The following PPP4R1 variants were observed in gnomAD, a reference collection of about 807,000 sequenced individuals.
The protein encoded by PPP4R1 is protein phosphatase 4 regulatory subunit 1, also known as serine/threonine-protein phosphatase 4 regulatory subunit 1.
PPP4R1 carries 42 observed loss-of-function variants against 111.2 expected under a neutral mutation model. The observed-to-expected ratio is 0.38, with a 90% CI of 0.29 to 0.49. The LOEUF is 0.49. Ranked by LOEUF, PPP4R1 falls within the 20% of genes least tolerant of loss-of-function variation. The pLI, the probability that PPP4R1 is intolerant of heterozygous loss-of-function variation, is 0.97. For synonymous variants in PPP4R1, 409 were observed against 405.5 expected (o/e 1.01, Z -0.10); for missense variants, 1,012 against 1,161.6 (o/e 0.87, Z 1.87).
chr18:9,557,100 T>C, intron 15 of PPP4R1, 121 bp downstream of exon 15: 1 of 964,010 alleles, frequency 1.0e-6, no homozygotes, highest in Non-Finnish European at 1.5e-6. Flanking sequence ...TAACATCAAC[T>C]TATGGCTGTG....
chr18:9,556,510 G>A (rs2066588644), intron 15 of PPP4R1, among the ~76,000 whole-genome samples: 1 of 152,080 alleles, frequency 6.6e-6, no homozygotes, highest in Admixed American at 6.6e-5. Flanking sequence ...TTTTTAAAAG[G>A]GAGGACTACA....
chr18:9,606,806 T>C (rs893255319), intron 2 of PPP4R1, among the ~76,000 whole-genome samples: 19 of 152,128 alleles, frequency 1.2e-4, no homozygotes, highest in African/African-American at 4.6e-4. Context: ...AACAGAAAGG[T>C]AGTATAACAA....
intron 2 of PPP4R1, 70 bp from the exon 3 acceptor site, chr18:9,595,223 C>A: frequency 1.4e-6 from 2 of 1,454,900 alleles, no homozygotes; most frequent in East Asian, 2.3e-5. Flanking sequence ...CTGTCTGAAG[C>A]AGTACAAATC....
At chr18:9,576,545 T>G (rs894562552) in intron 10 of PPP4R1, among the ~76,000 whole-genome samples, 2 of 152,174 alleles carry the variant, frequency 1.3e-5, no homozygotes, top group Non-Finnish European at 2.9e-5. Flanking sequence ...ATATACTGGC[T>G]AATATACTGG....
At chr18:9,553,050 A>C (rs2066514233) in intron 16 of PPP4R1, among the ~76,000 whole-genome samples, 1 of 152,230 alleles carries the variant, frequency 6.6e-6, no homozygotes, top group Admixed American at 6.5e-5. Flanking sequence ...AACACTGTGA[A>C]TGGACTAAAT....
rs1054767387 is a variant in PPP4R1, at chr18:9,614,332, C to G, written c.8-62G>C. The G allele has an allele frequency of 2.9e-4, 315 of 1,099,326 alleles. 1 individual carries two copies. The highest frequency in any genetic ancestry group is 2.6e-3 in the African/African-American group (153 of 58,206). The allele number at this position is 1,099,326 out of a possible 1,614,324, so 68.1% of individuals were successfully genotyped here. A position where few individuals can be genotyped will look rare whatever the true frequency, so the allele number is the denominator to read the frequency against. On this transcript the variant is annotated intron_variant, in intron 1 of 19. Coordinates refer to ENST00000400556, the MANE Select transcript of PPP4R1 (RefSeq NM_001042388.3). This position sits in a 1 kb window ranked among gnomAD's most constrained non-coding sequence, Gnocchi z 4.1. ...CCCCGGGGCCCGGCGCGACGCCCCCCCCCCGCCCGCCTCCCCCCCGCCCCG... is the reference window on the plus strand; with the variant it reads ...CCCCGGGGCCCGGCGCGACGCCCCCGCCCCGCCCGCCTCCCCCCCGCCCCG...
At chr18:9,593,649 T>C (rs2067246629) in intron 4 of PPP4R1, 119 bp downstream of exon 4, 1 of 892,004 alleles carries the variant, frequency 1.1e-6, no homozygotes, top group Admixed American at 2.8e-5. Context: ...TGATAATTAC[T>C]TAGGAAATAT....
intron 8 of PPP4R1, 84 bp downstream of exon 8, chr18:9,584,431 C>A: frequency 1.6e-6 from 2 of 1,213,440 alleles, no homozygotes; most frequent in Non-Finnish European, 2.3e-6. Flanking sequence ...GTTAATAAAA[C>A]TTTGGAGTAA....
intron 13 of PPP4R1, among the ~76,000 whole-genome samples, chr18:9,561,432 T>C (rs1161817113): frequency 2.6e-5 from 4 of 151,994 alleles, no homozygotes; most frequent in Non-Finnish European, 5.9e-5. Context: ...GAAGGAGTCC[T>C]GGTGTGCTCA....
At chr18:9,562,326 T>C (rs2066691846) in intron 12 of PPP4R1, among the ~76,000 whole-genome samples, 1 of 152,128 alleles carries the variant, frequency 6.6e-6, no homozygotes, top group Admixed American at 6.5e-5. Context: ...TTGAAAGTAA[T>C]TTTGAAATGG....
intron 2 of PPP4R1, among the ~76,000 whole-genome samples, chr18:9,610,970 C>G (rs1030381735): frequency 6.6e-6 from 1 of 151,990 alleles, no homozygotes; most frequent in Non-Finnish European, 1.5e-5. Flanking sequence ...CTTTGACCAA[C>G]CTTTTCCCCG....
Position 9,546,825 on chromosome 18 carries a change from C to T in PPP4R1, c.*964G>A, listed in dbSNP as rs1004928192. The T allele has an allele frequency of 5.3e-5, 8 of 152,296 alleles. No homozygotes were observed. The East Asian group carries it at 1.3e-3, about 26-fold the overall frequency. 9.4% of individuals were successfully genotyped at this position (152,296 alleles called of 1,614,324 possible). A position where few individuals can be genotyped will look rare whatever the true frequency, so the allele number is the denominator to read the frequency against. On this transcript the variant is annotated 3_prime_UTR_variant, in exon 20 of 20. Coordinates refer to ENST00000400556, the MANE Select transcript of PPP4R1 (RefSeq NM_001042388.3). ...AAAGACAAATATTTTAATCTAGTTTCCCCACTTTAAATCATTAATACAGGT... is the reference window on the plus strand; with the variant it reads ...AAAGACAAATATTTTAATCTAGTTTTCCCACTTTAAATCATTAATACAGGT...
intron 2 of PPP4R1, among the ~76,000 whole-genome samples, chr18:9,610,595 T>C (rs1438032481): frequency 1.3e-5 from 2 of 152,046 alleles, no homozygotes; most frequent in Non-Finnish European, 2.9e-5. Flanking sequence ...CCTGAGCAGC[T>C]GCGACTACAG....
intron 9 of PPP4R1, among the ~76,000 whole-genome samples, chr18:9,580,242 T>C (rs1338707072): frequency 6.6e-6 from 1 of 151,876 alleles, no homozygotes; most frequent in Non-Finnish European, 1.5e-5. Context: ...TATAAAACAA[T>C]AATTCAAAGC....
intron 9 of PPP4R1, among the ~76,000 whole-genome samples, chr18:9,582,742 T>G (rs2067050584): frequency 6.6e-6 from 1 of 152,132 alleles, no homozygotes; most frequent in Admixed American, 6.5e-5. Flanking sequence ...GACTATTATC[T>G]CTCATGATAT....
intron 10 of PPP4R1, among the ~76,000 whole-genome samples, chr18:9,572,957 G>A (rs749703589): frequency 1.6e-4 from 25 of 152,118 alleles, no homozygotes; most frequent in Admixed American, 2.6e-4. Context: ...CTGGCACTAC[G>A]TTAATATAAA....
intron 2 of PPP4R1, chr18:9,613,420 T>A (rs947380834): frequency 1.3e-5 from 2 of 152,208 alleles, no homozygotes; most frequent in Non-Finnish European, 2.9e-5. Flanking sequence ...AAAGTACATA[T>A]AAGACGAAAA....
intron 6 of PPP4R1, among the ~76,000 whole-genome samples, chr18:9,587,751 C>T (rs1048829440): frequency 6.7e-6 from 1 of 148,300 alleles, no homozygotes; most frequent in Non-Finnish European, 1.5e-5. Context: ...CTTGCTCTGT[C>T]GCCCAGGCTG....
chr18:9,584,725 C>T lies in PPP4R1; in HGVS notation c.689G>A (p.Arg230Gln), dbSNP rs2067087832. Reference protein sequence around the residue: ...MCCDCRMFHVRKVCAANFGDI... With the variant: ...MCCDCRMFHVQKVCAANFGDI... Reference sequence around the variant, plus strand: ...AAAAAAACGACAAAAAAATACCTTTCGAACGTGAAACATTCTGCAATCGCA... The same window carrying T: ...AAAAAAACGACAAAAAAATACCTTTTGAACGTGAAACATTCTGCAATCGCA... Residue 230 changes from arginine to glutamine, a missense_variant, in exon 7 of 20, where the codon CGA becomes CAA. This residue lies in a region of PPP4R1 where 707 missense variants were observed against 742.1 expected (regional missense o/e 0.95). Coordinates refer to ENST00000400556, the MANE Select transcript of PPP4R1 (RefSeq NM_001042388.3). 5.6e-6 allele frequency: 9 copies of T among 1,613,378 alleles called. No individual in the cohort carries two copies. The highest frequency in any genetic ancestry group is 2.2e-5 in the East Asian group (1 of 44,840).
Sources: allele counts gnomAD v4.1 joint callset (sites outside exome capture counted in the v4.1 genomes callset), GRCh38; gene constraint gnomAD v4.1.1; regional missense constraint gnomAD v4.1.1; non-coding constraint Gnocchi (gnomAD v3.1); transcripts MANE v1.5; gene names NCBI Gene and HGNC (gene_info 2026-07-23, HGNC 2026-07-21).